The following CCDC152 variants were observed in gnomAD, a reference collection of about 807,000 sequenced individuals.
CCDC152 encodes coiled-coil domain-containing protein 152.
CCDC152 carries 37 observed loss-of-function variants against 38.1 expected under a neutral mutation model. The observed-to-expected ratio is 0.97, with a 90% CI of 0.75 to 1.28. The LOEUF (loss-of-function observed/expected upper bound fraction) is 1.28. CCDC152 is among the 50% of genes most tolerant of loss of function. The pLI, the probability that CCDC152 is intolerant of heterozygous loss-of-function variation, is 0.00. For synonymous variants in CCDC152, 83 were observed against 87.1 expected, an observed-to-expected ratio of 0.95 and a Z score of 0.26; for missense variants, 259 against 292.1, an observed-to-expected ratio of 0.89 and a Z score of 0.83.
At chr5:42,776,776 C>G (rs1404818231) in intron 4 of CCDC152, among the ~76,000 whole-genome samples, 2 of 152,018 alleles carry the variant, frequency 1.3e-5, no homozygotes, top group African/African-American at 4.8e-5. Flanking sequence ...TGAAAAATCT[C>G]AAAATATATG....
chr5:42,769,896 G>A (rs1759674676), intron 4 of CCDC152, among the ~76,000 whole-genome samples: 1 of 152,140 alleles, frequency 6.6e-6, no homozygotes, highest in African/African-American at 2.4e-5. Flanking sequence ...TTTTACATAG[G>A]TCATATAGTT....
At chr5:42,761,078 G>C (rs536065196) in intron 2 of CCDC152, among the ~76,000 whole-genome samples, 18 of 152,292 alleles carry the variant, frequency 1.2e-4, no homozygotes, top group African/African-American at 4.1e-4. Context: ...CAAAAGTGGT[G>C]AGACTAGGGC....
rs185869284 is a variant in CCDC152 at position 42,793,560 on chromosome 5, T to C, written c.431-3269T>C. Among the ~76,000 whole-genome samples, 275 of 152,336 alleles carry C rather than the reference T, an allele frequency of 1.8e-3. 2 individuals are homozygous for C. Among genetic ancestry groups the C allele is most frequent in the Non-Finnish European group, 1.0e-3 (68 of 68,030 alleles). On this transcript the variant is annotated intron_variant, in intron 6 of 8. Transcript: ENST00000361970. ...TAATGGCATTATCAGATATATAATT[T>C]ACAATGACTCTGATTAATATAATCA...
intron 6 of CCDC152, among the ~76,000 whole-genome samples, chr5:42,785,495 T>C (rs971884193): frequency 1.3e-5 from 2 of 151,904 alleles, no homozygotes; most frequent in Non-Finnish European, 2.9e-5. Flanking sequence ...AGGGGGAATC[T>C]TTAGGGTTTT....
At chr5:42,765,393 T>C (rs1480009655) in intron 3 of CCDC152, among the ~76,000 whole-genome samples, 3 of 152,078 alleles carry the variant, frequency 2.0e-5, no homozygotes, top group South Asian at 4.1e-4. Context: ...GTGACATTCT[T>C]CAAAGAAATA....
rs1294748328 is a variant in CCDC152 at position 42,800,284 on chromosome 5, CT to C, written c.*505del. On this transcript the variant is annotated 3_prime_UTR_variant, in exon 9 of 9. Coordinates refer to ENST00000361970, the MANE Select transcript of CCDC152 (RefSeq NM_001134848.2). ...TCTGGATCTTAAAATACAAAATCCACTTATTTTATTAGTTAAAAGTAGAAGA... is the reference window on the plus strand; with the variant it reads ...TCTGGATCTTAAAATACAAAATCCACTATTTTATTAGTTAAAAGTAGAAGA... 2 of 157,084 alleles carry C rather than the reference CT, an allele frequency of 1.3e-5. No homozygotes were observed. The highest frequency in any genetic ancestry group is 4.8e-5 in the African/African-American group (2 of 41,554). 9.7% of individuals were successfully genotyped at this position (157,084 alleles called of 1,614,324 possible). A position where few individuals can be genotyped will look rare whatever the true frequency, so the allele number is the denominator to read the frequency against.
chr5:42,759,299 C>CA (rs1759519530), intron 2 of CCDC152, 91 bp downstream of exon 2: 2 of 641,136 alleles, frequency 3.1e-6, no homozygotes, highest in East Asian at 5.8e-5. Context: ...AAAAATATAC[C>CA]AAAAAATGAT....
chr5:42,792,575 A>C (rs993415099), intron 6 of CCDC152, among the ~76,000 whole-genome samples: 20 of 152,304 alleles, frequency 1.3e-4, no homozygotes, highest in African/African-American at 4.8e-4. Context: ...AGTAATTATT[A>C]ACACCATTGT....
intron 6 of CCDC152, among the ~76,000 whole-genome samples, chr5:42,794,692 A>G (rs903937898): frequency 2.6e-5 from 4 of 152,240 alleles, no homozygotes; most frequent in African/African-American, 9.6e-5. Flanking sequence ...TAGAACATAT[A>G]GACAAGGGAA....
chr5:42,776,070 C>T (rs1248312769), intron 4 of CCDC152, among the ~76,000 whole-genome samples: 1 of 151,928 alleles, frequency 6.6e-6, no homozygotes, highest in Non-Finnish European at 1.5e-5. Flanking sequence ...AAAAGAGTAA[C>T]AAATACGGTA....
chr5:42,783,396 G>C (rs1759874258), intron 5 of CCDC152, 78 bp from the exon 6 acceptor site: 2 of 523,958 alleles, frequency 3.8e-6, no homozygotes, highest in Admixed American at 5.5e-5. Context: ...TATGAATGGA[G>C]AATTTCACCT....
chr5:42,778,809 C>G (rs1372603704), intron 4 of CCDC152, among the ~76,000 whole-genome samples: 1 of 152,098 alleles, frequency 6.6e-6, no homozygotes, highest in Non-Finnish European at 1.5e-5. Context: ...GCCAGATAAT[C>G]GTTTTAGCAT....
Position 42,801,097 on chromosome 5 carries a change from G to A in CCDC152, c.*1316G>A, listed in dbSNP as rs370590668. 16 of 1,614,130 alleles carry A rather than the reference G, an allele frequency of 9.9e-6. No individual in the cohort carries two copies. The East Asian group carries it at 1.6e-4, about 16-fold the overall frequency. On this transcript the variant is annotated 3_prime_UTR_variant, in exon 9 of 9. Coordinates refer to ENST00000361970, the MANE Select transcript of CCDC152 (RefSeq NM_001134848.2). ...GCTGGCATATCTCGGTTCTCTGGGT[G>A]ACCCTGCCTATGCTGACCCTTGTGC...
rs113748420 is a variant in CCDC152 at position 42,798,104 on chromosome 5, T to C, written c.558+1148T>C. Among the ~76,000 whole-genome samples the C allele has an allele frequency of 2.5e-3, 381 of 152,308 alleles. 3 individuals are homozygous for C. The highest frequency in any genetic ancestry group is 8.9e-3 in the African/African-American group (371 of 41,568). ...AGGCAGACTTAGCAGTGAGCCGAGA[T>C]TGTGCCACTGCACTCCAGCCTGGGC... is the stretch of plus-strand genomic sequence containing the variant. On this transcript the variant is annotated intron_variant, in intron 7 of 8. Coordinates refer to ENST00000361970, the MANE Select transcript of CCDC152 (RefSeq NM_001134848.2).
At chr5:42,796,347 T>C (rs1760075745) in intron 6 of CCDC152, among the ~76,000 whole-genome samples, 1 of 151,818 alleles carries the variant, frequency 6.6e-6, no homozygotes, top group Non-Finnish European at 1.5e-5. Flanking sequence ...CTTGAGCCTC[T>C]CATCCTAGAT....
rs374313762 is a variant in CCDC152, at chr5:42,777,466, A to AT, written c.263-1991dup. 1.4e-3 allele frequency among the ~76,000 whole-genome samples: 175 copies of AT among 123,030 alleles called. 1 individual carries two copies. The South Asian group carries it at 0.018, about 13-fold the overall frequency. The allele number at this position is 123,030 out of a possible 152,430, so 80.7% of individuals were successfully genotyped here. A position where few individuals can be genotyped will look rare whatever the true frequency, so the allele number is the denominator to read the frequency against. Reference sequence around the variant, plus strand: ...GACAAGAGCAAGACTTCATCTCAATATAAAAAAAAAAAAGAAGAAGAAGAA... The same window carrying AT: ...GACAAGAGCAAGACTTCATCTCAATATTAAAAAAAAAAAAGAAGAAGAAGAA... On this transcript the variant is annotated intron_variant, in intron 4 of 8. Coordinates refer to ENST00000361970, the MANE Select transcript of CCDC152 (RefSeq NM_001134848.2).
chr5:42,795,050 AAACCCAAATATATT>A, intron 6 of CCDC152, among the ~76,000 whole-genome samples: 1 of 152,212 alleles, frequency 6.6e-6, no homozygotes, highest in Non-Finnish European at 1.5e-5. Flanking sequence ...TAGTTGATTT[AAACCCAAATATATT>A]ACTAAATGCA....
rs1207176431 is a variant in CCDC152 at position 42,796,974 on chromosome 5, T to A, written c.558+18T>A. 6.7e-7 allele frequency: 1 copy of A among 1,484,282 alleles called. No homozygotes were observed. The allele number at this position is 1,484,282 out of a possible 1,614,324, so 91.9% of individuals were successfully genotyped here. ...AACTAGAAGTAAGTGTTTAAGAGTC[T>A]GCTAAACTTGAGGACACATCCCTTA... On this transcript the variant is annotated intron_variant, in intron 7 of 8. Coordinates refer to ENST00000361970, the MANE Select transcript of CCDC152 (RefSeq NM_001134848.2).
chr5:42,771,828 C>T (rs1007429797), intron 4 of CCDC152, among the ~76,000 whole-genome samples: 3 of 152,094 alleles, frequency 2.0e-5, no homozygotes. Flanking sequence ...TTCTATTAAA[C>T]ACTCAAAGAA....
Sources: allele counts gnomAD v4.1 joint callset (sites outside exome capture counted in the v4.1 genomes callset), GRCh38; gene constraint gnomAD v4.1.1; transcripts MANE v1.5; gene names NCBI Gene and HGNC (gene_info 2026-07-23, HGNC 2026-07-21).